SYT1: variants seen among roughly 807,000 people sequenced by gnomAD.
SYT1 encodes synaptotagmin-1.
Under a neutral mutation model 44.8 loss-of-function variants are expected in SYT1, and 8 were observed. That is an observed-to-expected ratio of 0.18 (90% CI 0.10 to 0.32). The LOEUF (loss-of-function observed/expected upper bound fraction) is 0.32. Ranked by LOEUF, SYT1 falls within the 10% of genes least tolerant of loss-of-function variation. The pLI, the probability that SYT1 is intolerant of heterozygous loss-of-function variation, is 1.00. For missense variants in SYT1, 286 were observed against 509.3 expected, an observed-to-expected ratio of 0.56 and a Z score of 4.22; for synonymous variants, 154 against 188.8, an observed-to-expected ratio of 0.82 and a Z score of 1.51.
At chr12:79,278,134 G>C (rs369884650) in intron 4 of SYT1, among the ~76,000 whole-genome samples, 24 of 152,122 alleles carry the variant, frequency 1.6e-4, no homozygotes, top group East Asian at 5.8e-4. Flanking sequence ...GGGAGCACTA[G>C]ACTTAAACTG....
At chr12:79,206,140 A>G (rs946495847) in intron 3 of SYT1, among the ~76,000 whole-genome samples, 5 of 152,172 alleles carry the variant, frequency 3.3e-5, no homozygotes, top group African/African-American at 9.7e-5. Context: ...GTGCACACAA[A>G]AAAAACAAAA....
chr12:78,870,427 A>G (rs758648687), intron 1 of SYT1, among the ~76,000 whole-genome samples: 1 of 152,112 alleles, frequency 6.6e-6, no homozygotes, highest in South Asian at 2.1e-4. Context: ...ATCAAAGGGT[A>G]TTATATAAGT....
Position 79,081,383 on chromosome 12 carries a change from C to CT in SYT1, c.-18+34037dup, listed in dbSNP as rs375161906. ...GACACTGTTATGTCACACAAATTCA[C>CT]TTTTTTTTTTTTTTTTGACAGAATC... On this transcript the variant is annotated intron_variant, in intron 3 of 10. Transcript: ENST00000261205. Among the ~76,000 whole-genome samples the CT allele has an allele frequency of 3.6e-3, 509 of 141,330 alleles. 3 individuals are homozygous for CT. The highest frequency in any genetic ancestry group is 5.4e-3 in the Admixed American group (76 of 13,994). 92.7% of individuals were successfully genotyped at this position (141,330 alleles called of 152,430 possible). A position where few individuals can be genotyped will look rare whatever the true frequency, so the allele number is the denominator to read the frequency against.
At chr12:79,039,563 A>C (rs1873376399) in intron 2 of SYT1, among the ~76,000 whole-genome samples, 1 of 143,582 alleles carries the variant, frequency 7.0e-6, no homozygotes. Context: ...AGAATAAAAT[A>C]GTTTTTTAAT....
intron 3 of SYT1, among the ~76,000 whole-genome samples, chr12:79,061,438 T>C (rs557007540): frequency 6.6e-6 from 1 of 152,218 alleles, no homozygotes; most frequent in East Asian, 1.9e-4. Flanking sequence ...TAAGTGACTT[T>C]CTCAGTTAAT....
rs367636206 is a variant in SYT1 at position 79,359,386 on chromosome 12, A to G, written c.928+5767A>G. ...TTCTGTCCCTTTCACTCTGTGTTCT[A>G]TGACCCATCCCTAGTCCTCTTCCTG... On this transcript the variant is annotated intron_variant, in intron 9 of 10. Transcript: ENST00000261205. Among the ~76,000 whole-genome samples, 7 of 152,222 alleles carry G rather than the reference A, an allele frequency of 4.6e-5. 1 individual carries two copies. The highest frequency in any genetic ancestry group is 3.3e-4 in the Admixed American group (5 of 15,272).
chr12:79,224,838 G>A (rs1312784553), intron 4 of SYT1, among the ~76,000 whole-genome samples: 2 of 150,672 alleles, frequency 1.3e-5, no homozygotes. Context: ...GGAATGCAAT[G>A]GCGTGATCTC....
chr12:79,115,196 C>T (rs886360454), intron 3 of SYT1, among the ~76,000 whole-genome samples: 2 of 152,116 alleles, frequency 1.3e-5, no homozygotes, highest in Admixed American at 6.6e-5. Flanking sequence ...AAAATTATAA[C>T]TCAGAAAGGA....
chr12:79,098,872 A>G (rs1878294306), intron 3 of SYT1, among the ~76,000 whole-genome samples: 1 of 152,188 alleles, frequency 6.6e-6, no homozygotes, highest in Non-Finnish European at 1.5e-5. Flanking sequence ...AGAACCTGTG[A>G]ACAGCACACT....
intron 1 of SYT1, among the ~76,000 whole-genome samples, chr12:78,972,085 T>C (rs2137393243): frequency 6.6e-6 from 1 of 152,262 alleles, no homozygotes; most frequent in East Asian, 1.9e-4. Flanking sequence ...TAATTGTAAA[T>C]GATTTCTTAA....
chr12:78,995,223 C>T (rs1870297958), intron 2 of SYT1, among the ~76,000 whole-genome samples: 1 of 152,196 alleles, frequency 6.6e-6, no homozygotes. Flanking sequence ...CAGGCATAGC[C>T]TTGTGTCTTT....
chr12:79,428,056 A>G (rs1489209886), intron 9 of SYT1, among the ~76,000 whole-genome samples: 2 of 152,186 alleles, frequency 1.3e-5, no homozygotes, highest in African/African-American at 2.4e-5. Flanking sequence ...TAACTGTGTG[A>G]CTGTGGAGTG....
chr12:79,091,988 A>G (rs1326560432), intron 3 of SYT1, among the ~76,000 whole-genome samples: 2 of 152,000 alleles, frequency 1.3e-5, no homozygotes, highest in African/African-American at 4.8e-5. Context: ...GGAATCTCAG[A>G]TTAAACTTTT....
chr12:79,393,321 G>A (rs1441664539), intron 9 of SYT1: 1 of 152,228 alleles, frequency 6.6e-6, no homozygotes, highest in Non-Finnish European at 1.5e-5. Context: ...TATATACCCA[G>A]TAATGGGATT....
chr12:79,048,455 A>T (rs1238806225), intron 3 of SYT1, among the ~76,000 whole-genome samples: 4 of 151,722 alleles, frequency 2.6e-5, no homozygotes, highest in Admixed American at 1.3e-4. Context: ...AATATATTTT[A>T]TTTATTTTTG....
chr12:79,312,136 T>G (rs1880837303), intron 8 of SYT1, among the ~76,000 whole-genome samples: 2 of 152,150 alleles, frequency 1.3e-5, no homozygotes, highest in Non-Finnish European at 1.5e-5. Context: ...ATTTGCCTTC[T>G]GGGGAATTGA....
At chr12:79,154,601 G>T (rs1422308177) in intron 3 of SYT1, among the ~76,000 whole-genome samples, 1 of 152,084 alleles carries the variant, frequency 6.6e-6, no homozygotes, top group Non-Finnish European at 1.5e-5. Context: ...CTTACATTTT[G>T]ATGAGAAGCA....
intron 4 of SYT1, among the ~76,000 whole-genome samples, chr12:79,269,198 G>A (rs761267855): frequency 1.1e-4 from 17 of 152,008 alleles, no homozygotes; most frequent in Non-Finnish European, 1.5e-4. Context: ...CTGTGAGGCA[G>A]GTAGTGTTCT....
At chr12:79,229,739 G>A (rs200466577) in intron 4 of SYT1, among the ~76,000 whole-genome samples, 3 of 151,826 alleles carry the variant, frequency 2.0e-5, no homozygotes, top group African/African-American at 2.4e-5. Context: ...GATTTCAGGC[G>A]CTCACCACCA....
Sources: allele counts gnomAD v4.1 joint callset (sites outside exome capture counted in the v4.1 genomes callset), GRCh38; gene constraint gnomAD v4.1.1; transcripts MANE v1.5; gene names NCBI Gene and HGNC (gene_info 2026-07-23, HGNC 2026-07-21).